Variants in DNAJC12 observed in about 807,000 individuals in gnomAD.
DNAJC12 encodes the protein DnaJ heat shock protein family (Hsp40) member C12.
Under a neutral mutation model 28.5 loss-of-function variants are expected in DNAJC12, and 25 were observed. The ratio of observed to expected loss-of-function variants is 0.88; its 90% CI spans 0.64 to 1.22. The LOEUF (loss-of-function observed/expected upper bound fraction) is 1.22, where lower values mean the gene tolerates loss of function less well. Among genes scored for constraint, DNAJC12 ranks in the 50% most tolerant of loss-of-function variants. The probability of loss-of-function intolerance (pLI) is 0.00; values close to 1 mark genes in which losing one functional copy is unlikely to be tolerated. For missense variants in DNAJC12, 222 were observed against 231.7 expected (o/e 0.96, Z 0.27); for synonymous variants, 77 against 80.6 (o/e 0.95, Z 0.24).
chr10:67,826,128 T>TTTGG (rs1842026749), intron 1 of DNAJC12, among the ~76,000 whole-genome samples: 1 of 124,786 alleles, frequency 8.0e-6, no homozygotes, highest in Non-Finnish European at 1.7e-5. Flanking sequence ...CTTGAAGACA[T>TTTGG]ATCTTTTTTT....
intron 2 of DNAJC12, among the ~76,000 whole-genome samples, chr10:67,812,787 G>A (rs1041890666): frequency 1.3e-5 from 2 of 151,868 alleles, no homozygotes; most frequent in African/African-American, 4.8e-5. Context: ...GGGAGGCAGA[G>A]GTTGCAGTGA....
chr10:67,799,680 C>T (rs761370847), intron 4 of DNAJC12, among the ~76,000 whole-genome samples: 10 of 151,888 alleles, frequency 6.6e-5, no homozygotes, highest in Non-Finnish European at 1.5e-4. Context: ...GTTGGGAATT[C>T]GAGACCAGCC....
intron 1 of DNAJC12, among the ~76,000 whole-genome samples, chr10:67,835,771 T>C (rs1315338501): frequency 6.7e-6 from 1 of 150,096 alleles, no homozygotes; most frequent in Non-Finnish European, 1.5e-5. Context: ...AGTGACAATA[T>C]TATGACAAAC....
chr10:67,829,185 A>G (rs959415635), intron 1 of DNAJC12, among the ~76,000 whole-genome samples: 5 of 152,172 alleles, frequency 3.3e-5, no homozygotes, highest in Admixed American at 1.3e-4. Flanking sequence ...GGATGGGAAC[A>G]GACACACAAC....
At chr10:67,824,399 C>T (rs1842010166) in intron 1 of DNAJC12, among the ~76,000 whole-genome samples, 1 of 151,862 alleles carries the variant, frequency 6.6e-6, no homozygotes, top group African/African-American at 2.4e-5. Flanking sequence ...TATTATAAAG[C>T]TCCTTCTTCC....
At chr10:67,818,233 G>T (rs747665880) in intron 2 of DNAJC12, among the ~76,000 whole-genome samples, 16 of 152,068 alleles carry the variant, frequency 1.1e-4, no homozygotes, top group Non-Finnish European at 2.2e-4. Context: ...ATTTTCATCA[G>T]TAACCTTAAT....
intron 2 of DNAJC12, chr10:67,816,097 G>A: frequency 2.5e-6 from 1 of 398,506 alleles, no homozygotes; most frequent in Non-Finnish European, 4.4e-6. Flanking sequence ...GATGCTGGAA[G>A]TCTTGCGAGA....
At chr10:67,821,662 G>C (rs1332921595) in intron 2 of DNAJC12, among the ~76,000 whole-genome samples, 1 of 152,112 alleles carries the variant, frequency 6.6e-6, no homozygotes, top group Non-Finnish European at 1.5e-5. Context: ...ATTCCTTTTT[G>C]TACATATTAT....
chr10:67,824,542 C>A (rs1044381353), intron 1 of DNAJC12, among the ~76,000 whole-genome samples: 11 of 151,810 alleles, frequency 7.2e-5, no homozygotes, highest in African/African-American at 2.4e-4. Flanking sequence ...GAAACTCCAG[C>A]CCAAACTAAA....
intron 1 of DNAJC12, among the ~76,000 whole-genome samples, chr10:67,831,850 A>G (rs943793826): frequency 1.3e-5 from 2 of 152,250 alleles, no homozygotes; most frequent in African/African-American, 4.8e-5. Context: ...ATAGACTGAC[A>G]GATGTTCTTC....
intron 4 of DNAJC12, among the ~76,000 whole-genome samples, chr10:67,802,117 G>A (rs187841060): frequency 1.3e-5 from 2 of 151,974 alleles, no homozygotes; most frequent in Admixed American, 1.3e-4. Flanking sequence ...TCCCATCTCA[G>A]CCTCCCAAAG....
At chr10:67,825,971 G>A (rs190468680) in intron 1 of DNAJC12, among the ~76,000 whole-genome samples, 1 of 152,138 alleles carries the variant, frequency 6.6e-6, no homozygotes, top group East Asian at 1.9e-4. Flanking sequence ...TCTATACAGT[G>A]TAGTAGTAAG....
chr10:67,812,843 C>T (rs1250333611), intron 2 of DNAJC12, among the ~76,000 whole-genome samples: 1 of 148,802 alleles, frequency 6.7e-6, no homozygotes, highest in Non-Finnish European at 1.5e-5. Flanking sequence ...CAGAGCGAGA[C>T]TCCATCTCAA....
chr10:67,837,836 T>C (rs1842154482), intron 1 of DNAJC12, 98 bp downstream of exon 1: 3 of 854,556 alleles, frequency 3.5e-6, no homozygotes, highest in Admixed American at 3.0e-5. Flanking sequence ...TTGTAGGCAA[T>C]GTGACTAAAA....
Position 67,823,314 on chromosome 10 carries a change from C to G in DNAJC12, c.157G>C (p.Val53Leu). The G allele has an allele frequency of 6.2e-7, 1 of 1,613,592 alleles. No individual in the cohort carries two copies. Among genetic ancestry groups the G allele is most frequent in the Non-Finnish European group, 8.5e-7 (1 of 1,179,714 alleles). ...GAAGTAGCCTTTATTAAGTTCTTACCAGCTTTGGGGTTTTCAGGATGCTTG... is the reference window on the plus strand; with the variant it reads ...GAAGTAGCCTTTATTAAGTTCTTACGAGCTTTGGGGTTTTCAGGATGCTTG... ...PDKHPENPKA[V>L]ETFQKLQKAK... The change falls in exon 2 of 5, where the codon GTG becomes CTG. Residue 53 changes from valine (V) to leucine (L), a missense_variant and splice_region_variant. Physicochemically the swap from Val to Leu is conservative, Grantham distance 32 (BLOSUM62 1). Transcript: ENST00000225171.
chr10:67,813,004 A>G (rs1353850339), intron 2 of DNAJC12, among the ~76,000 whole-genome samples: 1 of 152,226 alleles, frequency 6.6e-6, no homozygotes, highest in African/African-American at 2.4e-5. Context: ...CCTGTCCGAC[A>G]GAGCAAGACT....
intron 2 of DNAJC12, among the ~76,000 whole-genome samples, chr10:67,819,440 A>G (rs1564862961): frequency 6.6e-6 from 1 of 151,524 alleles, no homozygotes; most frequent in Non-Finnish European, 1.5e-5. Flanking sequence ...GGAGATCAAG[A>G]CCAGCCTGGC....
intron 1 of DNAJC12, among the ~76,000 whole-genome samples, chr10:67,829,366 T>C (rs1842069527): frequency 1.3e-5 from 2 of 152,196 alleles, no homozygotes; most frequent in Middle Eastern, 3.4e-3. Context: ...TCAGGCCGGG[T>C]GCGGTGGCTC....
At position 67,823,487 on chromosome 10, in the gene DNAJC12, A is replaced by C. The variant is rs1157948170; in HGVS notation, c.79-95T>G. 5.2e-6 allele frequency: 5 copies of C among 964,816 alleles called. No homozygotes were observed. In the East Asian group the frequency reaches 1.2e-4, roughly 23 times the overall value. The allele number at this position is 964,816 out of a possible 1,614,324, so 59.8% of individuals were successfully genotyped here. A position where few individuals can be genotyped will look rare whatever the true frequency, so the allele number is the denominator to read the frequency against. On this transcript the variant is annotated intron_variant, in intron 1 of 4. Coordinates refer to ENST00000225171, the MANE Select transcript of DNAJC12 (RefSeq NM_021800.3). Reference sequence around the variant, plus strand: ...CACTTTGGGAGGCTGAGGCAAGCGGATCACCAGGAATAAGACCAGCCTGGA... The same window carrying C: ...CACTTTGGGAGGCTGAGGCAAGCGGCTCACCAGGAATAAGACCAGCCTGGA...
Sources: gnomAD v4.1 joint callset for allele counts (sites outside exome capture counted in the v4.1 genomes callset) on GRCh38, gnomAD v4.1.1 for gene constraint, MANE v1.5 for transcripts, NCBI Gene and HGNC (gene_info 2026-07-23, HGNC 2026-07-21) for gene names.